DIXDC1: variants seen among roughly 807,000 people sequenced by gnomAD.
The protein encoded by DIXDC1 is dixin.
A neutral mutation model predicts 103.1 loss-of-function variants in DIXDC1; 64 were observed. That is an observed-to-expected ratio of 0.62 (90% CI 0.51 to 0.76). The LOEUF (loss-of-function observed/expected upper bound fraction) is 0.76, where lower values mean the gene tolerates loss of function less well. Ranked by LOEUF, DIXDC1 falls within the 30% of genes least tolerant of loss-of-function variation. DIXDC1 has a pLI of 0.00. For missense variants in DIXDC1, 759 were observed against 834.2 expected (o/e 0.91, Z 1.11); for synonymous variants, 266 against 298.5 (o/e 0.89, Z 1.12).
intron 17 of DIXDC1, among the ~76,000 whole-genome samples, chr11:112,004,031 T>G: frequency 8.2e-6 from 1 of 122,524 alleles, no homozygotes; most frequent in East Asian, 2.0e-4. Flanking sequence ...AAAAATTATA[T>G]ATATATATAT....
intron 3 of DIXDC1, among the ~76,000 whole-genome samples, chr11:111,971,645 A>G (rs1409960612): frequency 6.6e-6 from 1 of 152,218 alleles, no homozygotes; most frequent in African/African-American, 2.4e-5. Flanking sequence ...GGTTCATTGC[A>G]GCGCCATTCA....
intron 17 of DIXDC1, among the ~76,000 whole-genome samples, chr11:112,009,739 G>A (rs587626970): frequency 6.6e-6 from 1 of 152,256 alleles, no homozygotes; most frequent in Non-Finnish European, 1.5e-5. Flanking sequence ...TGCAGAAAAG[G>A]CCTTCAACAA....
Position 111,962,815 on chromosome 11 carries a change from G to T in DIXDC1, c.61-1734G>T, listed in dbSNP as rs59737080. On this transcript the variant is annotated intron_variant, in intron 1 of 19. Transcript: ENST00000440460. ...CCAGTCACCTTAGTGTTCTTTCTGG[G>T]CTTAACTGCTTTCCCTCAGACCAGA... 3.4e-3 allele frequency among the ~76,000 whole-genome samples: 524 copies of T among 152,252 alleles called. 1 individual carries two copies. Among genetic ancestry groups the T allele is most frequent in the Non-Finnish European group, 5.9e-3 (399 of 68,022 alleles).
At chr11:111,962,204 G>A (rs782403450) in intron 1 of DIXDC1, among the ~76,000 whole-genome samples, 12 of 152,132 alleles carry the variant, frequency 7.9e-5, no homozygotes, top group African/African-American at 1.7e-4. Flanking sequence ...CAGGTTGGCC[G>A]GGTGCGGTGG....
Position 111,958,651 on chromosome 11 carries a change from C to T in DIXDC1, c.61-5898C>T, listed in dbSNP as rs1374262569. Among the ~76,000 whole-genome samples the T allele has an allele frequency of 3.3e-5, 5 of 152,170 alleles. No homozygotes were observed. In the East Asian group the frequency reaches 5.8e-4, roughly 18 times the overall value. ...AGACAGGCTCCTGTGTGGAAAGGGG[C>T]GGGTTCCCGGTGAAGCCCCACCTTC... On this transcript the variant is annotated intron_variant, in intron 1 of 19. Coordinates refer to ENST00000440460, the MANE Select transcript of DIXDC1 (RefSeq NM_001037954.4). The surrounding 1 kb of genome is among the most constrained non-coding windows in gnomAD (Gnocchi z 4.2).
At chr11:112,018,812 G>T in intron 19 of DIXDC1, 144 bp from the exon 20 acceptor site, 1 of 589,268 alleles carries the variant, frequency 1.7e-6, no homozygotes, top group East Asian at 2.9e-5. Context: ...ATCAGTTGCA[G>T]TTCTAGGGAC....
rs1861675246 is a variant in DIXDC1 at position 112,018,898 on chromosome 11, T to C, written c.1972-58T>C. On this transcript the variant is annotated intron_variant, in intron 19 of 19. Transcript: ENST00000440460. ...GAGGTCTTATTTTTATTAGCAGCAA[T>C]TGTTTAGTGAATCAGATTCCCTGTT... 9 of 1,441,158 alleles carry C rather than the reference T, an allele frequency of 6.2e-6. No individual in the cohort carries two copies. The Admixed American group carries it at 1.2e-4, about 19-fold the overall frequency. The allele number at this position is 1,441,158 out of a possible 1,614,324, so 89.3% of individuals were successfully genotyped here. A position where few individuals can be genotyped will look rare whatever the true frequency, so the allele number is the denominator to read the frequency against.
Position 111,958,897 on chromosome 11 carries a change from C to T in DIXDC1, c.61-5652C>T, listed in dbSNP as rs34551023. Among the ~76,000 whole-genome samples, 1,104 of 152,210 alleles carry T rather than the reference C, an allele frequency of 7.3e-3. 16 individuals carry two copies. The highest frequency in any genetic ancestry group is 6.9e-3 in the Non-Finnish European group (466 of 68,004). On this transcript the variant is annotated intron_variant, in intron 1 of 19. Coordinates refer to ENST00000440460, the MANE Select transcript of DIXDC1 (RefSeq NM_001037954.4). This position sits in a 1 kb window ranked among gnomAD's most constrained non-coding sequence, Gnocchi z 4.2. The stretch of plus-strand genomic sequence containing the variant: ...GGAGCTACCCACTCCAGGGTCTCCT[C>T]CCTGCTGAATGGTGAGCAGATGATG...
chr11:111,994,475 A>G (rs1860813835), intron 14 of DIXDC1, among the ~76,000 whole-genome samples: 1 of 151,512 alleles, frequency 6.6e-6, no homozygotes, highest in Admixed American at 6.6e-5. Flanking sequence ...ACACATATAT[A>G]CATATATATA....
intron 4 of DIXDC1, 43 bp downstream of exon 4, chr11:111,974,297 G>C (rs1555172384): frequency 1.3e-6 from 2 of 1,551,308 alleles, no homozygotes; most frequent in South Asian, 2.4e-5. Context: ...CCCTCTCTCT[G>C]ATACTTCTTC....
In DIXDC1 at chr11:111,977,681, G is replaced by T. The variant is rs782549264; in HGVS notation, c.656+2698G>T. The T allele has an allele frequency of 3.2e-6, 5 of 1,546,602 alleles. No individual in the cohort carries two copies. The highest frequency in any genetic ancestry group is 3.5e-6 in the Non-Finnish European group (4 of 1,144,508). On this transcript the variant is annotated intron_variant, in intron 5 of 19. Transcript: ENST00000440460. The surrounding 1 kb of genome is among the most constrained non-coding windows in gnomAD (Gnocchi z 6.1). ...GCGTTTTCCAGCCCCAGCGCGGGGA[G>T]ACATGCCTGAATTTGGGAGCGATGT...
At chr11:111,943,446 G>A (rs1394020148) in intron 1 of DIXDC1, among the ~76,000 whole-genome samples, 3 of 145,584 alleles carry the variant, frequency 2.1e-5, no homozygotes, top group Admixed American at 6.9e-5. Context: ...GCCCGGCTAC[G>A]ATTTAAAGCT....
intron 2 of DIXDC1, among the ~76,000 whole-genome samples, chr11:111,931,325 T>G (rs587713165): frequency 2.6e-4 from 40 of 151,912 alleles, no homozygotes; most frequent in Middle Eastern, 3.4e-3. Flanking sequence ...GGCAATAGAG[T>G]GAGACACTGT....
chr11:111,952,239 T>C (rs1399084702), intron 1 of DIXDC1, among the ~76,000 whole-genome samples: 1 of 152,188 alleles, frequency 6.6e-6, no homozygotes, highest in African/African-American at 2.4e-5. Flanking sequence ...ACAATGTTCT[T>C]GAGTAGGATG....
At chr11:111,951,477 G>T (rs587674834) in intron 1 of DIXDC1, among the ~76,000 whole-genome samples, 1 of 152,024 alleles carries the variant, frequency 6.6e-6, no homozygotes, top group South Asian at 2.1e-4. Flanking sequence ...TTTATGAAAT[G>T]TAATATTTAT....
chr11:111,997,956 AAAG>A, intron 17 of DIXDC1, among the ~76,000 whole-genome samples: 1 of 152,298 alleles, frequency 6.6e-6, no homozygotes, highest in Non-Finnish European at 1.5e-5. Context: ...AAAATTCTTA[AAAG>A]AAGAGTCTAT....
At chr11:112,012,526 A>G (rs938413339) in intron 17 of DIXDC1, among the ~76,000 whole-genome samples, 1 of 152,220 alleles carries the variant, frequency 6.6e-6, no homozygotes. Flanking sequence ...AGTTTGACCT[A>G]TACTTCATAC....
rs587639509 is a variant in DIXDC1 at position 111,957,188 on chromosome 11, A to G, written c.61-7361A>G. Among the ~76,000 whole-genome samples the G allele has an allele frequency of 1.2e-4, 18 of 152,254 alleles. No homozygotes were observed. The South Asian group carries it at 3.5e-3, about 30-fold the overall frequency. ...CCCTGTCTCAAAAAATAATAGGTAA[A>G]TAAATAAATGGGGGAGGAGAGAGCT... On this transcript the variant is annotated intron_variant, in intron 1 of 19. Coordinates refer to ENST00000440460, the MANE Select transcript of DIXDC1 (RefSeq NM_001037954.4).
rs1004715649 is a variant in DIXDC1 at position 111,977,412 on chromosome 11, C to T, written c.656+2429C>T. ...TGGGAGATGGGTTGAGATGCCCCCG[C>T]CAGGGGGGATGCCCGGCACCGTGCG... On this transcript the variant is annotated intron_variant, in intron 5 of 19. Transcript: ENST00000440460. The surrounding 1 kb of genome is among the most constrained non-coding windows in gnomAD (Gnocchi z 6.1). 1 of 1,159,548 alleles carries T rather than the reference C, an allele frequency of 8.6e-7. No homozygotes were observed. The highest frequency in any genetic ancestry group is 1.1e-6 in the Non-Finnish European group (1 of 939,394). 71.8% of individuals were successfully genotyped at this position (1,159,548 alleles called of 1,614,324 possible).
Sources: gnomAD v4.1 joint callset for allele counts (sites outside exome capture counted in the v4.1 genomes callset) on GRCh38, gnomAD v4.1.1 for gene constraint, Gnocchi (gnomAD v3.1) non-coding constraint, MANE v1.5 for transcripts, NCBI Gene and HGNC (gene_info 2026-07-23, HGNC 2026-07-21) for gene names.